The following SRGAP3 variants were observed in gnomAD, a reference collection of about 807,000 sequenced individuals.
SRGAP3 encodes the protein SLIT-ROBO Rho GTPase-activating protein 3.
In SRGAP3, 39 loss-of-function variants were observed where a neutral mutation model predicts 121.1. The ratio of observed to expected loss-of-function variants is 0.32; its 90% confidence interval spans 0.25 to 0.42. The LOEUF is 0.42. Ranked by LOEUF, SRGAP3 falls within the 10% of genes least tolerant of loss-of-function variation. The probability of loss-of-function intolerance (pLI) is 1.00; values close to 1 mark genes in which losing one functional copy is unlikely to be tolerated. For synonymous variants in SRGAP3, 601 were observed against 570.0 expected (o/e 1.05, Z -0.77); for missense variants, 1,213 against 1,470.6 (o/e 0.82, Z 2.86).
At chr3:9,357,866 T>A (rs955031252) in intron 1 of SRGAP3, among the ~76,000 whole-genome samples, 1 of 152,000 alleles carries the variant, frequency 6.6e-6, no homozygotes, top group African/African-American at 2.4e-5. Flanking sequence ...AAATTCCCCA[T>A]TTGAAATTTT....
In SRGAP3 at chr3:9,079,797, G is replaced by A. The variant is rs145147594; in HGVS notation, c.486+228C>T. 3.1e-3 allele frequency among the ~76,000 whole-genome samples: 465 copies of A among 152,316 alleles called. 4 individuals carry two copies. Among genetic ancestry groups the A allele is most frequent in the African/African-American group, 0.011 (438 of 41,564 alleles). ...CAGCGGCAGGTCGTTTGAATCTCTC[G>A]TGAATTTTGACAAACTAGACAAGCC... On this transcript the variant is annotated intron_variant, in intron 4 of 21. Transcript: ENST00000383836.
chr3:9,174,912 G>T (rs1207647830), intron 1 of SRGAP3, among the ~76,000 whole-genome samples: 1 of 152,198 alleles, frequency 6.6e-6, no homozygotes, highest in African/African-American at 2.4e-5. Context: ...GCCCATGTGA[G>T]AAATGGGAGC....
At chr3:9,354,911 G>A (rs1009868941) in intron 1 of SRGAP3, among the ~76,000 whole-genome samples, 1 of 152,124 alleles carries the variant, frequency 6.6e-6, no homozygotes, top group Non-Finnish European at 1.5e-5. Context: ...AATGTTACCT[G>A]TCTCAAACTG....
In SRGAP3 at chr3:9,255,742, A is replaced by G. The variant is rs76367155; in HGVS notation, n.442+70268T>C. Among the ~76,000 whole-genome samples, 264 of 152,296 alleles carry G rather than the reference A, an allele frequency of 1.7e-3. 3 individuals carry two copies. The East Asian group carries it at 0.029, about 17-fold the overall frequency. ...TATTCCAGAAAGAGGAGGTTGGGCA[A>G]AGTCAACGTGTGTCTGCTAACGAAA... On this transcript the variant is annotated intron_variant and non_coding_transcript_variant, in intron 3 of 3. Coordinates refer to the SRGAP3 transcript ENST00000490889.
At chr3:9,304,242 T>A (rs1404404888) in intron 3 of SRGAP3, among the ~76,000 whole-genome samples, 1 of 152,046 alleles carries the variant, frequency 6.6e-6, no homozygotes, top group Admixed American at 6.6e-5. Flanking sequence ...CACGTGGGGG[T>A]TGCCCATAAA....
chr3:9,154,616 C>G (rs1950341218), intron 1 of SRGAP3, among the ~76,000 whole-genome samples: 1 of 152,146 alleles, frequency 6.6e-6, no homozygotes, highest in Non-Finnish European at 1.5e-5. Flanking sequence ...TGATAGAAAC[C>G]AGAGAGCCCA....
At chr3:9,020,313 C>G (rs1424466569) in intron 14 of SRGAP3, among the ~76,000 whole-genome samples, 1 of 151,754 alleles carries the variant, frequency 6.6e-6, no homozygotes, top group Non-Finnish European at 1.5e-5. Flanking sequence ...AGAATCTCAA[C>G]CTTTTTTTTT....
intron 4 of SRGAP3, among the ~76,000 whole-genome samples, chr3:9,077,242 C>G (rs1245122737): frequency 6.6e-6 from 1 of 151,948 alleles, no homozygotes; most frequent in Non-Finnish European, 1.5e-5. Flanking sequence ...CTCCTCCCTC[C>G]TTTGCTTCAG....
chr3:9,112,253 G>A (rs984693198), intron 2 of SRGAP3, among the ~76,000 whole-genome samples: 10 of 152,218 alleles, frequency 6.6e-5, no homozygotes, highest in South Asian at 2.1e-4. Flanking sequence ...TTCCTGCCCC[G>A]TTCCAGGACC....
chr3:8,983,081 A>G lies in SRGAP3; in HGVS notation c.*2438T>C. The G allele has an allele frequency of 4.4e-6, 1 of 226,654 alleles. No individual in the cohort carries two copies. Among genetic ancestry groups the G allele is most frequent in the Admixed American group, 5.7e-5 (1 of 17,550 alleles). 14.0% of individuals were successfully genotyped at this position (226,654 alleles called of 1,614,324 possible). A position where few individuals can be genotyped will look rare whatever the true frequency, so the allele number is the denominator to read the frequency against. Reference sequence around the variant, plus strand: ...TGCCTGGGAGGCTACTGGATTTAGGATCTGGGAGTATCTTGAGGGTAGAAA... The same window carrying G: ...TGCCTGGGAGGCTACTGGATTTAGGGTCTGGGAGTATCTTGAGGGTAGAAA... On this transcript the variant is annotated 3_prime_UTR_variant, in exon 22 of 22. Coordinates refer to ENST00000383836, the MANE Select transcript of SRGAP3 (RefSeq NM_014850.4).
chr3:9,260,174 G>A (rs895341027), intron 3 of SRGAP3, among the ~76,000 whole-genome samples: 3 of 152,064 alleles, frequency 2.0e-5, no homozygotes, highest in Non-Finnish European at 2.9e-5. Context: ...AGATTCCCTC[G>A]GGTGCCTACA....
chr3:9,021,293 G>C (rs915373775), intron 14 of SRGAP3, among the ~76,000 whole-genome samples: 5 of 152,218 alleles, frequency 3.3e-5, no homozygotes, highest in African/African-American at 1.2e-4. Flanking sequence ...TCCACATAAG[G>C]AGAGACCTCA....
At position 9,075,388 on chromosome 3, in the gene SRGAP3, TGTGC is replaced by T. The variant is rs746257852; in HGVS notation, c.486+4633_486+4636del. On this transcript the variant is annotated intron_variant, in intron 4 of 21. Coordinates refer to ENST00000383836, the MANE Select transcript of SRGAP3 (RefSeq NM_014850.4). The stretch of plus-strand genomic sequence containing the variant: ...GCATGTATGCAAGTGTGTGTGTGTG[TGTGC>T]GCGCGCACATATGTGCATAAACACC... Among the ~76,000 whole-genome samples the T allele has an allele frequency of 5.7e-4, 81 of 141,606 alleles. 1 individual carries two copies. Among genetic ancestry groups the T allele is most frequent in the African/African-American group, 6.7e-4 (23 of 34,566 alleles). The allele number at this position is 141,606 out of a possible 152,430, so 92.9% of individuals were successfully genotyped here.
Position 9,045,502 on chromosome 3 carries a change from T to C in SRGAP3, c.1408+1889A>G, listed in dbSNP as rs138556730. On this transcript the variant is annotated intron_variant, in intron 10 of 21. Transcript: ENST00000383836. ...CCAGGAGTTATGCCAAAACTAAGTA[T>C]GGTGATAATGATGATGATGATGATG... is the stretch of plus-strand genomic sequence containing the variant. Among the ~76,000 whole-genome samples, 623 of 151,910 alleles carry C rather than the reference T, an allele frequency of 4.1e-3. 2 individuals carry two copies. The highest frequency in any genetic ancestry group is 6.2e-3 in the Non-Finnish European group (419 of 67,958).
intron 4 of SRGAP3, chr3:9,065,458 A>G (rs1048110377): frequency 2.0e-5 from 3 of 152,132 alleles, no homozygotes; most frequent in Non-Finnish European, 4.4e-5. Context: ...TAGAACTTCC[A>G]CTGCACCAGA....
chr3:9,093,970 C>T (rs1349295856), intron 3 of SRGAP3, among the ~76,000 whole-genome samples: 3 of 152,166 alleles, frequency 2.0e-5, no homozygotes, highest in Non-Finnish European at 2.9e-5. Flanking sequence ...CGAACAATAA[C>T]AAACACCCAG....
intron 1 of SRGAP3, among the ~76,000 whole-genome samples, chr3:9,357,922 T>C (rs1400307333): frequency 6.6e-6 from 1 of 151,990 alleles, no homozygotes; most frequent in Non-Finnish European, 1.5e-5. Context: ...TCTCCCAGAC[T>C]GGAATGCAGT....
chr3:9,128,296 T>A (rs910566637), intron 1 of SRGAP3, among the ~76,000 whole-genome samples: 3 of 152,224 alleles, frequency 2.0e-5, no homozygotes, highest in African/African-American at 7.2e-5. Context: ...TACTGATCAC[T>A]GCAATGATAC....
intron 1 of SRGAP3, among the ~76,000 whole-genome samples, chr3:9,152,360 C>T (rs550341025): frequency 1.3e-5 from 2 of 152,346 alleles, no homozygotes; most frequent in East Asian, 3.9e-4. Context: ...GGTGTCCACT[C>T]ATAGGCTGGC....
Sources: gnomAD v4.1 joint callset for allele counts (sites outside exome capture counted in the v4.1 genomes callset) on GRCh38, gnomAD v4.1.1 for gene constraint, MANE v1.5 for transcripts, NCBI Gene and HGNC (gene_info 2026-07-23, HGNC 2026-07-21) for gene names.